TOP6BL: variants seen among roughly 807,000 people sequenced by gnomAD.
TOP6BL encodes TOP6B like initiator of meiotic double strand breaks.
the TOP6BL span, among the ~76,000 whole-genome samples, chr11:66,790,341 G>C: frequency 6.6e-6 from 1 of 152,076 alleles, no homozygotes; most frequent in East Asian, 1.9e-4. Flanking sequence ...AAGTAAACAC[G>C]TAATTACAAT....
the TOP6BL span, chr11:66,839,306 G>A: frequency 4.8e-6 from 2 of 414,396 alleles, no homozygotes; most frequent in African/African-American, 4.1e-5. Context: ...TGCATATGAG[G>A]AAATTGAGGC....
the TOP6BL span, among the ~76,000 whole-genome samples, chr11:66,821,354 C>T: frequency 4.4e-4 from 64 of 146,206 alleles, no homozygotes; most frequent in Admixed American, 2.2e-3. Flanking sequence ...GTGGCACAAT[C>T]TTGGCTCACT....
At chr11:66,791,205 G>A in the TOP6BL span, among the ~76,000 whole-genome samples, 1 of 152,192 alleles carries the variant, frequency 6.6e-6, no homozygotes, top group Non-Finnish European at 1.5e-5. Flanking sequence ...TTGGGCCTGC[G>A]AGGAAAGTCA....
chr11:66,750,197 AT>A, the TOP6BL span, among the ~76,000 whole-genome samples: 2 of 151,636 alleles, frequency 1.3e-5, no homozygotes, highest in African/African-American at 4.8e-5. Flanking sequence ...GATCTATTTC[AT>A]TTTTTTTGTA....
the TOP6BL span, chr11:66,756,480 C>T: frequency 9.4e-7 from 1 of 1,065,104 alleles, no homozygotes. Context: ...TTACAGATGC[C>T]CACCACCATG....
At chr11:66,750,440 G>C in the TOP6BL span, among the ~76,000 whole-genome samples, 1 of 152,068 alleles carries the variant, frequency 6.6e-6, no homozygotes, top group South Asian at 2.1e-4. Context: ...CCAGCTACTC[G>C]GGAGGCTGAG....
At chr11:66,781,704 AT>A in the TOP6BL span, among the ~76,000 whole-genome samples, 1 of 152,020 alleles carries the variant, frequency 6.6e-6, no homozygotes, top group African/African-American at 2.4e-5. Flanking sequence ...CGCCCGGCTA[AT>A]TTTTAAATTT....
chr11:66,755,980 C>G, the TOP6BL span, among the ~76,000 whole-genome samples: 1 of 152,190 alleles, frequency 6.6e-6, no homozygotes, highest in African/African-American at 2.4e-5. Flanking sequence ...AGGTCATATA[C>G]ACTGGGGCTA....
the TOP6BL span, chr11:66,839,345 C>A: frequency 5.8e-5 from 22 of 377,578 alleles, 1 homozygote; most frequent in South Asian, 4.3e-4. Context: ...TTACCCAAGG[C>A]TACACAGCCA....
chr11:66,821,811 G>T, the TOP6BL span: 37 of 1,600,866 alleles, frequency 2.3e-5, no homozygotes, highest in Non-Finnish European at 3.2e-5. Flanking sequence ...CTAAGAAAAA[G>T]ATAGCAAGCA....
chr11:66,773,407 T>C, the TOP6BL span, among the ~76,000 whole-genome samples: 1 of 152,028 alleles, frequency 6.6e-6, no homozygotes, highest in East Asian at 1.9e-4. Context: ...AATTTGTCCA[T>C]TTTATCTAAG....
chr11:66,821,497 G>A, the TOP6BL span: 305 of 762,086 alleles, frequency 4.0e-4, 3 homozygotes, highest in South Asian at 4.7e-3. Context: ...CCGTGGTCTC[G>A]ATCTCCTGAC....
chr11:66,755,058 T>C, the TOP6BL span, among the ~76,000 whole-genome samples: 13 of 152,162 alleles, frequency 8.5e-5, no homozygotes, highest in Non-Finnish European at 1.5e-4. Context: ...TGTCCCCTTA[T>C]ACTTAGATTA....
the TOP6BL span, chr11:66,838,513 T>A: frequency 7.1e-7 from 1 of 1,404,540 alleles, no homozygotes; most frequent in Non-Finnish European, 1.0e-6. Context: ...GAGTTCAAAC[T>A]TTCAAACTAT....
the TOP6BL span, among the ~76,000 whole-genome samples, chr11:66,830,626 A>C: frequency 6.6e-6 from 1 of 152,208 alleles, no homozygotes; most frequent in Admixed American, 6.5e-5. Context: ...AAGATTAATA[A>C]AATTGATAAA....
the TOP6BL span, among the ~76,000 whole-genome samples, chr11:66,841,765 G>C: frequency 6.6e-6 from 1 of 152,198 alleles, no homozygotes; most frequent in African/African-American, 2.4e-5. Flanking sequence ...TCACGCCACT[G>C]CACTCCAGCC....
the TOP6BL span, among the ~76,000 whole-genome samples, chr11:66,794,656 C>A: frequency 1.3e-5 from 2 of 151,946 alleles, no homozygotes; most frequent in African/African-American, 4.8e-5. Flanking sequence ...AGTGGTAAAT[C>A]TTATATTTGT....
At chr11:66,777,506 TTACTA>T in the TOP6BL span, among the ~76,000 whole-genome samples, 1 of 152,204 alleles carries the variant, frequency 6.6e-6, no homozygotes, top group Admixed American at 6.6e-5. Flanking sequence ...ATATAGCTCT[TTACTA>T]TATTGAAAAT....
the TOP6BL span, among the ~76,000 whole-genome samples, chr11:66,831,298 T>G: frequency 1.3e-5 from 2 of 152,140 alleles, no homozygotes; most frequent in East Asian, 3.8e-4. Flanking sequence ...ACACAAAGAA[T>G]CATACACAAA....
Sources: gnomAD v4.1 joint callset for allele counts (sites outside exome capture counted in the v4.1 genomes callset) on GRCh38, gnomAD v4.1.1 for gene constraint, MANE v1.5 for transcripts, NCBI Gene and HGNC (gene_info 2026-07-23, HGNC 2026-07-21) for gene names.